SNTB1: variants seen among roughly 807,000 people sequenced by gnomAD.
SNTB1 encodes beta-1-syntrophin.
In SNTB1, 36 loss-of-function variants were observed where a neutral mutation model predicts 48.9. The ratio of observed to expected loss-of-function variants is 0.74; its 90% CI spans 0.56 to 0.97. The LOEUF is 0.97. Among genes scored for constraint, SNTB1 ranks in the 50% least tolerant of loss-of-function variants. The pLI is 0.00. For synonymous variants in SNTB1, 299 were observed against 294.6 expected, an observed-to-expected ratio of 1.01 and a Z score of -0.15; for missense variants, 786 against 703.4, an observed-to-expected ratio of 1.12 and a Z score of -1.33.
At chr8:120,786,617 A>T (rs1230389263) in intron 1 of SNTB1, among the ~76,000 whole-genome samples, 3 of 152,150 alleles carry the variant, frequency 2.0e-5, no homozygotes, top group Non-Finnish European at 4.4e-5. Context: ...ATCCCTCCCT[A>T]CACAGAACAT....
chr8:120,730,145 T>G (rs1818827895), intron 1 of SNTB1, among the ~76,000 whole-genome samples: 1 of 152,250 alleles, frequency 6.6e-6, no homozygotes, highest in East Asian at 1.9e-4. Context: ...GAAATTTTAT[T>G]TATTTTTTAT....
At chr8:120,623,948 G>GT (rs1378653802) in intron 3 of SNTB1, among the ~76,000 whole-genome samples, 9 of 152,002 alleles carry the variant, frequency 5.9e-5, no homozygotes, top group Admixed American at 1.3e-4. Context: ...TTGTTTGTTT[G>GT]TTTTTTTGAG....
Position 120,811,952 on chromosome 8 carries a change from CG to C in SNTB1, c.-110del, listed in dbSNP as rs1361295278. On this transcript the variant is annotated 5_prime_UTR_variant, in exon 1 of 7. Coordinates refer to ENST00000517992, the MANE Select transcript of SNTB1 (RefSeq NM_021021.4). The stretch of plus-strand genomic sequence containing the variant: ...GGGGGAGCGAGGAGAGTGCGTCCCG[CG>C]GGGAGGTGGCGGCACGCGGGACTCC... The C allele has an allele frequency of 7.9e-7, 1 of 1,272,344 alleles. No homozygotes were observed. The highest frequency in any genetic ancestry group is 3.3e-5 in the East Asian group (1 of 30,652). 78.8% of individuals were successfully genotyped at this position (1,272,344 alleles called of 1,614,324 possible).
intron 1 of SNTB1, among the ~76,000 whole-genome samples, chr8:120,736,178 C>T (rs752172005): frequency 1.3e-5 from 2 of 152,124 alleles, no homozygotes; most frequent in Non-Finnish European, 2.9e-5. Flanking sequence ...AACTCACTAT[C>T]ATGAGAACAG....
intron 1 of SNTB1, among the ~76,000 whole-genome samples, chr8:120,708,023 C>T (rs1438578700): frequency 6.6e-6 from 1 of 151,778 alleles, no homozygotes. Context: ...AACATACAAA[C>T]TGTCACATTT....
At chr8:120,558,999 G>C (rs1384103896) in intron 4 of SNTB1, among the ~76,000 whole-genome samples, 1 of 152,140 alleles carries the variant, frequency 6.6e-6, no homozygotes, top group Non-Finnish European at 1.5e-5. Flanking sequence ...AATATAAAGA[G>C]AACAATTTCC....
In SNTB1 at chr8:120,548,927, G is replaced by A. The variant is rs772635723; in HGVS notation, c.1168C>T (p.Pro390Ser). 1.9e-6 allele frequency: 3 copies of A among 1,600,756 alleles called. No homozygotes were observed. The highest frequency in any genetic ancestry group is 2.6e-6 in the Non-Finnish European group (3 of 1,173,810). ...AAGGACAGATCCACACCAGCCTGGG[G>A]TGATCCCTTTCCTGGACCTGAATGG... ...LVHSGPGKGSPQAGVDLSFAT... is the reference protein window; with the variant it reads ...LVHSGPGKGSSQAGVDLSFAT... The change falls in exon 5 of 7, where the codon CCC (proline) becomes TCC (serine). Residue 390 changes from proline to serine, a missense_variant. By Grantham distance (74) the Pro-to-Ser change is moderately conservative (BLOSUM62 -1). Transcript: ENST00000517992.
At chr8:120,718,247 G>C (rs911341612) in intron 1 of SNTB1, among the ~76,000 whole-genome samples, 7 of 152,244 alleles carry the variant, frequency 4.6e-5, no homozygotes, top group African/African-American at 1.7e-4. Context: ...CCTCCTGAGG[G>C]TCACTGTGCC....
chr8:120,715,800 C>T (rs995941318), intron 1 of SNTB1, among the ~76,000 whole-genome samples: 3 of 152,104 alleles, frequency 2.0e-5, no homozygotes, highest in Admixed American at 6.5e-5. Context: ...TTCGTGATGC[C>T]GTCCCACTCA....
At chr8:120,730,010 T>C (rs911490765) in intron 1 of SNTB1, among the ~76,000 whole-genome samples, 2 of 152,210 alleles carry the variant, frequency 1.3e-5, no homozygotes, top group African/African-American at 4.8e-5. Context: ...ATACAACAGG[T>C]GCACTGATAA....
At chr8:120,811,140 C>G (rs916081064) in intron 1 of SNTB1, 133 bp downstream of exon 1, 188 of 1,263,318 alleles carry the variant, frequency 1.5e-4, no homozygotes, top group Non-Finnish European at 1.8e-4. Flanking sequence ...TTCCCCCCCC[C>G]CCAACACACA....
Position 120,589,256 on chromosome 8 carries a change from G to A in SNTB1, c.997-14031C>T, listed in dbSNP as rs192468567. ...CAGTGTCTACAATACTATCATAAAT[G>A]CTCGCTGAGATCGGTTGACCTGAAT... is the stretch of plus-strand genomic sequence containing the variant. On this transcript the variant is annotated intron_variant, in intron 3 of 6. Transcript: ENST00000517992. 6.0e-3 allele frequency among the ~76,000 whole-genome samples: 917 copies of A among 152,266 alleles called. 7 individuals carry two copies. Among genetic ancestry groups the A allele is most frequent in the African/African-American group, 0.02 (848 of 41,560 alleles).
intron 3 of SNTB1, among the ~76,000 whole-genome samples, chr8:120,601,856 C>G (rs185885735): frequency 6.6e-6 from 1 of 152,172 alleles, no homozygotes; most frequent in South Asian, 2.1e-4. Context: ...TTCAGTCATC[C>G]CGGGCTTGGC....
intron 5 of SNTB1, among the ~76,000 whole-genome samples, chr8:120,542,412 T>C (rs1243357299): frequency 6.6e-6 from 1 of 152,172 alleles, no homozygotes; most frequent in Non-Finnish European, 1.5e-5. Context: ...TCCCAGCTTT[T>C]GGAGGCTGAG....
chr8:120,649,405 G>T (rs1817363851), intron 2 of SNTB1, among the ~76,000 whole-genome samples: 1 of 135,216 alleles, frequency 7.4e-6, no homozygotes, highest in Non-Finnish European at 1.6e-5. Flanking sequence ...CTCAGCTGCA[G>T]GTCTGTTGGA....
At chr8:120,726,754 A>G (rs1818762256) in intron 1 of SNTB1, among the ~76,000 whole-genome samples, 1 of 152,190 alleles carries the variant, frequency 6.6e-6, no homozygotes. Flanking sequence ...GCTGGTTGTA[A>G]TCGACACTGA....
intron 2 of SNTB1, among the ~76,000 whole-genome samples, chr8:120,692,667 T>G (rs188066681): frequency 1.3e-5 from 2 of 152,152 alleles, no homozygotes; most frequent in Non-Finnish European, 2.9e-5. Flanking sequence ...CATTCCAGAC[T>G]TGGACCAAAG....
intron 5 of SNTB1, among the ~76,000 whole-genome samples, chr8:120,544,032 C>A (rs1473560292): frequency 6.6e-6 from 1 of 151,044 alleles, no homozygotes; most frequent in East Asian, 2.0e-4. Context: ...CTCAAAGGAT[C>A]CTTCCGCCTC....
intron 1 of SNTB1, among the ~76,000 whole-genome samples, chr8:120,793,425 A>C (rs1035746067): frequency 6.6e-6 from 1 of 152,058 alleles, no homozygotes; most frequent in South Asian, 2.1e-4. Context: ...TTTCCACAGC[A>C]GTTGCAGTAA....
Sources: allele counts gnomAD v4.1 joint callset (sites outside exome capture counted in the v4.1 genomes callset), GRCh38; gene constraint gnomAD v4.1.1; transcripts MANE v1.5; gene names NCBI Gene and HGNC (gene_info 2026-07-23, HGNC 2026-07-21).